Variants in ATP2B1 observed in about 807,000 individuals in gnomAD.
The protein encoded by ATP2B1 is plasma membrane calcium-transporting ATPase 1.
A neutral mutation model predicts 124.2 loss-of-function variants in ATP2B1; 14 were observed. The ratio of observed to expected loss-of-function variants is 0.11; its 90% CI spans 0.07 to 0.18. ATP2B1 has a LOEUF of 0.18. Ranked by LOEUF, ATP2B1 falls within the 10% of genes least tolerant of loss-of-function variation. ATP2B1 has a pLI of 1.00. For synonymous variants in ATP2B1, 449 were observed against 492.4 expected, an observed-to-expected ratio of 0.91 and a Z score of 1.17; for missense variants, 763 against 1,466.1, an observed-to-expected ratio of 0.52 and a Z score of 7.83.
intron 15 of ATP2B1, among the ~76,000 whole-genome samples, chr12:89,608,174 A>T (rs912549585): frequency 6.6e-6 from 1 of 152,048 alleles, no homozygotes; most frequent in Non-Finnish European, 1.5e-5. Context: ...AAACTAAATT[A>T]ATTTATTTAT....
chr12:89,700,953 GC>G (rs775192200), intron 1 of ATP2B1, among the ~76,000 whole-genome samples: 45 of 152,266 alleles, frequency 3.0e-4, no homozygotes, highest in Non-Finnish European at 6.2e-4. Context: ...AAATATAACA[GC>G]TTACATACTA....
chr12:89,608,858 C>T (rs1349658504), intron 15 of ATP2B1, among the ~76,000 whole-genome samples: 1 of 152,156 alleles, frequency 6.6e-6, no homozygotes. Flanking sequence ...ACCTCTTCAG[C>T]TATGCTTCAC....
intron 12 of ATP2B1, among the ~76,000 whole-genome samples, chr12:89,613,228 G>T (rs1043535107): frequency 1.3e-5 from 2 of 152,068 alleles, no homozygotes; most frequent in African/African-American, 4.8e-5. Context: ...CGATCCGTCT[G>T]CCTCAGCCTC....
At chr12:89,640,254 C>T (rs1207093438) in intron 3 of ATP2B1, among the ~76,000 whole-genome samples, 2 of 152,074 alleles carry the variant, frequency 1.3e-5, no homozygotes, top group African/African-American at 2.4e-5. Flanking sequence ...ATAGGTACTA[C>T]TTATTTAGCA....
intron 1 of ATP2B1, among the ~76,000 whole-genome samples, chr12:89,684,134 T>C (rs938213770): frequency 1.3e-5 from 2 of 152,158 alleles, no homozygotes; most frequent in Admixed American, 6.6e-5. Flanking sequence ...AACATACATG[T>C]CTATTTTTGG....
In ATP2B1 at chr12:89,677,324, G is replaced by A. The variant is rs1038959767; in HGVS notation, c.-221-21217C>T. ...TAATTTCAATTGTATGCTGGGAAGC[G>A]GGAGGTAGTGATTATACCTTCTCCC... On this transcript the variant is annotated intron_variant, in intron 1 of 20. Transcript: ENST00000428670. Among the ~76,000 whole-genome samples the A allele has an allele frequency of 8.5e-5, 13 of 152,216 alleles. No individual in the cohort carries two copies. In the East Asian group the frequency reaches 1.4e-3, roughly 16 times the overall value.
At chr12:89,670,741 A>G (rs1017791696) in intron 1 of ATP2B1, among the ~76,000 whole-genome samples, 3 of 151,824 alleles carry the variant, frequency 2.0e-5, no homozygotes, top group Admixed American at 2.0e-4. Context: ...TGGCTTAACA[A>G]TCAAAAAAAT....
chr12:89,618,082 T>G (rs1879318917), intron 11 of ATP2B1, among the ~76,000 whole-genome samples: 2 of 151,480 alleles, frequency 1.3e-5, no homozygotes, highest in African/African-American at 4.9e-5. Context: ...CTGATATGTC[T>G]CTAGTTGATT....
Position 89,611,384 on chromosome 12 carries a change from T to TAA in ATP2B1, c.2068-14_2068-13dup. On this transcript the variant is annotated splice_polypyrimidine_tract_variant and intron_variant, in intron 12 of 20. Transcript: ENST00000428670. Reference sequence around the variant, plus strand: ...ATTGCATCTGGCACCTGGTTTACATTAAAAAAAAAAATTACAAAGTTAATT... The same window carrying TAA: ...ATTGCATCTGGCACCTGGTTTACATTAAAAAAAAAAAAATTACAAAGTTAATT... The TAA allele has an allele frequency of 3.6e-5, 43 of 1,191,646 alleles. No homozygotes were observed. Among genetic ancestry groups the TAA allele is most frequent in the South Asian group, 2.4e-4 (14 of 57,472 alleles). 73.8% of individuals were successfully genotyped at this position (1,191,646 alleles called of 1,614,324 possible). A position where few individuals can be genotyped will look rare whatever the true frequency, so the allele number is the denominator to read the frequency against.
chr12:89,633,301 T>A (rs986463861), intron 5 of ATP2B1, among the ~76,000 whole-genome samples: 3 of 151,934 alleles, frequency 2.0e-5, no homozygotes, highest in African/African-American at 4.8e-5. Flanking sequence ...TTCTTTTTTT[T>A]AAATTTTATT....
chr12:89,595,476 A>C (rs547140554), intron 20 of ATP2B1, among the ~76,000 whole-genome samples: 1 of 152,058 alleles, frequency 6.6e-6, no homozygotes, highest in East Asian at 1.9e-4. Context: ...CTAATAAATG[A>C]AGGGAAAAAG....
intron 1 of ATP2B1, among the ~76,000 whole-genome samples, chr12:89,701,318 G>A (rs1227186874): frequency 2.0e-5 from 3 of 152,180 alleles, no homozygotes; most frequent in Middle Eastern, 3.4e-3. Flanking sequence ...AAGTCCTCCG[G>A]GTTGTACACT....
intron 1 of ATP2B1, among the ~76,000 whole-genome samples, chr12:89,687,477 A>G (rs1389247386): frequency 6.6e-6 from 1 of 151,990 alleles, no homozygotes; most frequent in Non-Finnish European, 1.5e-5. Flanking sequence ...ACATGCAAAC[A>G]TATTTTACAT....
intron 2 of ATP2B1, among the ~76,000 whole-genome samples, chr12:89,648,478 T>TAA (rs1884802736): frequency 1.3e-5 from 2 of 152,196 alleles, no homozygotes; most frequent in Admixed American, 1.3e-4. Context: ...AAGACGGTTC[T>TAA]CAGCAGCAAA....
intron 2 of ATP2B1, among the ~76,000 whole-genome samples, chr12:89,643,160 G>GTATGTATGTATATATGTA (rs1023329117): frequency 2.7e-5 from 4 of 148,530 alleles, no homozygotes; most frequent in Non-Finnish European, 5.9e-5. Context: ...ATGTATATAT[G>GTATGTATGTATATATGTA]TATGTATGTA....
intron 2 of ATP2B1, among the ~76,000 whole-genome samples, chr12:89,652,626 C>T (rs937838730): frequency 6.6e-6 from 1 of 152,224 alleles, no homozygotes; most frequent in African/African-American, 2.4e-5. Context: ...TCATTTATTA[C>T]CATTTGTATG....
rs1056002528 is a variant in ATP2B1 at position 89,645,156 on chromosome 12, G to A, written c.209-2801C>T. Reference sequence around the variant, plus strand: ...GCCAAACTTACAAGGTTGTTTTGAAGAACCAAAAGAGAAGGTATACACAGT... The same window carrying A: ...GCCAAACTTACAAGGTTGTTTTGAAAAACCAAAAGAGAAGGTATACACAGT... On this transcript the variant is annotated intron_variant, in intron 2 of 20. Transcript: ENST00000428670. 6.6e-5 allele frequency among the ~76,000 whole-genome samples: 10 copies of A among 152,100 alleles called. 1 individual carries two copies. The highest frequency in any genetic ancestry group is 5.9e-4 in the Admixed American group (9 of 15,268).
chr12:89,692,612 T>C (rs763046724), intron 1 of ATP2B1, among the ~76,000 whole-genome samples: 6 of 152,136 alleles, frequency 3.9e-5, no homozygotes, highest in Non-Finnish European at 8.8e-5. Context: ...CTATAAGAAA[T>C]GATGTGGTAT....
upstream of ATP2B1, chr12:89,709,060 G>C (rs1180359092): frequency 1.3e-5 from 2 of 151,166 alleles, no homozygotes; most frequent in Admixed American, 6.6e-5. Flanking sequence ...AGCCACCTCC[G>C]TGAGCGCCGC....
Sources: allele counts gnomAD v4.1 joint callset (sites outside exome capture counted in the v4.1 genomes callset), GRCh38; gene constraint gnomAD v4.1.1; transcripts MANE v1.5; gene names NCBI Gene and HGNC (gene_info 2026-07-23, HGNC 2026-07-21).